DTX2: variants seen among roughly 807,000 people sequenced by gnomAD.
DTX2 encodes deltex E3 ubiquitin ligase 2, also known as probable E3 ubiquitin-protein ligase DTX2.
DTX2 carries 29 observed loss-of-function variants against 55.3 expected under a neutral mutation model. The ratio of observed to expected loss-of-function variants is 0.52; its 90% confidence interval spans 0.39 to 0.71. DTX2 has a LOEUF of 0.71. Among genes scored for constraint, DTX2 ranks in the 30% least tolerant of loss-of-function variants. DTX2 has a pLI of 0.00. For synonymous variants in DTX2, 276 were observed against 340.4 expected (o/e 0.81, Z 2.08); for missense variants, 537 against 822.5 (o/e 0.65, Z 4.25).
At chr7:76,503,697 T>C in intron 9 of DTX2, 110 bp downstream of exon 9, 2 of 1,110,798 alleles carry the variant, frequency 1.8e-6, no homozygotes, top group Non-Finnish European at 1.3e-6. Flanking sequence ...GTGGCCAAGC[T>C]CAGGCCCCCA....
In DTX2 at chr7:76,474,082, C is replaced by T. The variant is rs184199441; in HGVS notation, c.-89-6339C>T. On this transcript the variant is annotated intron_variant, in intron 2 of 10. Coordinates refer to ENST00000430490, the MANE Select transcript of DTX2 (RefSeq NM_001102594.3). The stretch of plus-strand genomic sequence containing the variant: ...GATTACAGGCATGTGCCACCACGCC[C>T]GGCAAATTTTGTATTTTTAGTAGAG... 0.013 allele frequency among the ~76,000 whole-genome samples: 1,911 copies of T among 150,800 alleles called. 90 individuals carry two copies. The East Asian group carries it at 0.13, about 10-fold the overall frequency.
intron 2 of DTX2, among the ~76,000 whole-genome samples, 157 bp downstream of exon 2, chr7:76,463,866 T>C (rs1219216991): frequency 6.8e-6 from 1 of 146,568 alleles, no homozygotes; most frequent in Non-Finnish European, 1.5e-5. Flanking sequence ...AGTGGCGTCT[T>C]GCCACTGCTT....
At chr7:76,491,703 A>ATTT (rs1810453529) in intron 4 of DTX2, among the ~76,000 whole-genome samples, 1 of 97,680 alleles carries the variant, frequency 1.0e-5, no homozygotes. Flanking sequence ...TTTTTTTTTG[A>ATTT]GACAGGGTCT....
rs765900261 is a variant in DTX2 at position 76,503,411 on chromosome 7, G to GT, written c.1390-14dup. ...TCAGACTGCCAGCTCAGTGGGTTGCGTCTGCCTCTGTCAGGATGGAAGTCT... is the reference window on the plus strand; with the variant it reads ...TCAGACTGCCAGCTCAGTGGGTTGCGTTCTGCCTCTGTCAGGATGGAAGTCT... On this transcript the variant is annotated splice_polypyrimidine_tract_variant and intron_variant, in intron 8 of 10. Transcript: ENST00000430490. 2 of 1,610,576 alleles carry GT rather than the reference G, an allele frequency of 1.2e-6. No homozygotes were observed. The highest frequency in any genetic ancestry group is 1.7e-4 in the Middle Eastern group (1 of 5,754).
At chr7:76,463,053 G>A in intron 1 of DTX2, among the ~76,000 whole-genome samples, 1 of 115,502 alleles carries the variant, frequency 8.7e-6, no homozygotes, top group Non-Finnish European at 1.8e-5. Context: ...GGCGACAGAG[G>A]GAGACCCCGT....
chr7:76,500,413 A>T, intron 6 of DTX2, 28 bp from the exon 7 acceptor site: 1 of 707,650 alleles, frequency 1.4e-6, no homozygotes, highest in Non-Finnish European at 2.2e-6. Context: ...GCTCCTCAGG[A>T]CGCTGCTTAT....
In DTX2 at chr7:76,480,612, A is replaced by G. The variant is rs1809072208; in HGVS notation, c.103A>G (p.Ser35Gly). ...CGGGCTGGGCACCTGGCACCCCTAC[A>G]GTGCCACCGTCTGCAGCTTCATCGA... ...QDGLGTWHPY[S>G]ATVCSFIEQQ... Residue 35 changes from serine to glycine, a missense_variant, in exon 3 of 11, where the codon AGT (serine) becomes GGT (glycine). Transcript: ENST00000430490. 9.3e-6 allele frequency: 15 copies of G among 1,613,414 alleles called. No individual in the cohort carries two copies. The highest frequency in any genetic ancestry group is 6.6e-5 in the South Asian group (6 of 91,042).
chr7:76,499,056 G>A (rs377182749), intron 6 of DTX2, among the ~76,000 whole-genome samples: 36 of 29,286 alleles, frequency 1.2e-3, no homozygotes, highest in East Asian at 2.3e-3. Flanking sequence ...GGAGGTGGGT[G>A]TGTGGAGCTG....
intron 2 of DTX2, among the ~76,000 whole-genome samples, chr7:76,464,649 A>AG (rs1806971193): frequency 6.6e-6 from 1 of 152,018 alleles, no homozygotes; most frequent in African/African-American, 2.4e-5. Flanking sequence ...CTCCCATCTC[A>AG]GCCTCCCAAA....
At chr7:76,495,865 C>G (rs946737700) in intron 5 of DTX2, among the ~76,000 whole-genome samples, 9 of 143,358 alleles carry the variant, frequency 6.3e-5, no homozygotes, top group Non-Finnish European at 1.4e-4. Context: ...CCGGAGAACC[C>G]TGGGTAGGGA....
At chr7:76,477,493 G>A (rs1309981242) in intron 2 of DTX2, among the ~76,000 whole-genome samples, 8 of 150,656 alleles carry the variant, frequency 5.3e-5, no homozygotes, top group African/African-American at 2.0e-4. Context: ...AAACACTTAG[G>A]ATACATGTTG....
Position 76,480,559 on chromosome 7 carries a change from C to T in DTX2, c.50C>T (p.Ala17Val), listed in dbSNP as rs775816588. The change falls in exon 3 of 11, where the codon GCG (alanine) becomes GTG (valine). Residue 17 changes from alanine to valine, a missense_variant. Physicochemically the swap from Ala to Val is moderately conservative, Grantham distance 64. Transcript: ENST00000430490. Reference sequence around the variant, plus strand: ...CTGGTGCAGGTGTACACCAGCCCCGCGGCTGTGGCCGTGTGGGAATGGCAG... The same window carrying T: ...CTGGTGCAGGTGTACACCAGCCCCGTGGCTGTGGCCGTGTGGGAATGGCAG... The part of the protein sequence containing the change: ...PSLVQVYTSP[A>V]AVAVWEWQDG... 1.7e-5 allele frequency: 27 copies of T among 1,612,282 alleles called. No individual in the cohort carries two copies. Among genetic ancestry groups the T allele is most frequent in the Non-Finnish European group, 2.0e-5 (24 of 1,179,946 alleles).
At position 76,482,902 on chromosome 7, in the gene DTX2, C is replaced by G; in HGVS notation, c.663C>G (p.Leu221=). The G allele has an allele frequency of 6.2e-7, 1 of 1,613,836 alleles. No homozygotes were observed. Among genetic ancestry groups the G allele is most frequent in the Non-Finnish European group, 8.5e-7 (1 of 1,179,772 alleles). Residue 221 remains leucine (L), a synonymous_variant, in exon 4 of 11, where the codon CTC becomes CTG. Transcript: ENST00000430490. ...SGRYRHSMTN[L]PAYPVPQHPP... The stretch of plus-strand genomic sequence containing the variant: ...GCTACCGCCACTCCATGACCAACCT[C>G]CCTGCATACCCCGTCCCCCAGCACC...
At chr7:76,495,358 G>A (rs1428122928) in intron 5 of DTX2, among the ~76,000 whole-genome samples, 1 of 149,258 alleles carries the variant, frequency 6.7e-6, no homozygotes, top group Non-Finnish European at 1.5e-5. Flanking sequence ...TCAGTGAGTG[G>A]GGGCTTCACT....
intron 4 of DTX2, among the ~76,000 whole-genome samples, chr7:76,486,934 G>A (rs1391417846): frequency 7.0e-6 from 1 of 142,612 alleles, no homozygotes; most frequent in African/African-American, 2.6e-5. Context: ...GCTGCCACCT[G>A]TCTTTTGGCT....
chr7:76,482,439 A>G, intron 3 of DTX2, 69 bp from the exon 4 acceptor site: 1 of 1,492,278 alleles, frequency 6.7e-7, no homozygotes. Context: ...CGGTTGAAAA[A>G]AGAATTTGAA....
At position 76,482,633 on chromosome 7, in the gene DTX2, C is replaced by T. The variant is rs754766592; in HGVS notation, c.394C>T (p.Leu132=). The T allele has an allele frequency of 6.2e-7, 1 of 1,613,872 alleles. No individual in the cohort carries two copies. Among genetic ancestry groups the T allele is most frequent in the Non-Finnish European group, 8.5e-7 (1 of 1,179,828 alleles). The change falls in exon 4 of 11, where the codon CTG becomes TTG. Residue 132 remains leucine (L), a synonymous_variant. Transcript: ENST00000430490. ...TAYEASVCDY[L]EQQVARGNQL... ...CTATGAAGCCAGCGTCTGTGACTAT[C>T]TGGAGCAGCAGGTGGCCAGGGGCAA...
intron 6 of DTX2, among the ~76,000 whole-genome samples, chr7:76,498,074 G>A (rs1273679058): frequency 6.6e-6 from 1 of 152,200 alleles, no homozygotes; most frequent in East Asian, 1.9e-4. Flanking sequence ...TGCTGGCCCT[G>A]CTTCCACCCC....
At chr7:76,498,549 G>A (rs1168886044) in intron 6 of DTX2, among the ~76,000 whole-genome samples, 2 of 88,062 alleles carry the variant, frequency 2.3e-5, no homozygotes, top group African/African-American at 1.3e-4. Context: ...CTGAAAAGCT[G>A]CAAGGGCTGG....
Sources: gnomAD v4.1 joint callset for allele counts (sites outside exome capture counted in the v4.1 genomes callset) on GRCh38, gnomAD v4.1.1 for gene constraint, MANE v1.5 for transcripts, NCBI Gene and HGNC (gene_info 2026-07-23, HGNC 2026-07-21) for gene names.